The following PDE11A variants were observed in gnomAD, a reference collection of about 807,000 sequenced individuals.
The protein encoded by PDE11A is phosphodiesterase 11A.
A neutral mutation model predicts 100.5 loss-of-function variants in PDE11A; 100 were observed. The ratio of observed to expected loss-of-function variants is 1.00; its 90% CI spans 0.85 to 1.18. The LOEUF (loss-of-function observed/expected upper bound fraction) is 1.18, where lower values mean the gene tolerates loss of function less well. Ranked by LOEUF, PDE11A falls within the 50% of genes most tolerant of loss-of-function variation. The pLI is 0.00. For missense variants in PDE11A, 1,141 were observed against 1,152.6 expected (o/e 0.99, Z 0.15); for synonymous variants, 381 against 420.8 (o/e 0.91, Z 1.16).
chr2:177,946,669 C>T (rs1574299901), intron 2 of PDE11A, among the ~76,000 whole-genome samples: 4 of 103,918 alleles, frequency 3.8e-5, no homozygotes, highest in Non-Finnish European at 8.8e-5. Context: ...CCAGCCGCCC[C>T]GTCCGGGAGG....
chr2:177,845,105 G>A (rs1158854363), intron 5 of PDE11A, among the ~76,000 whole-genome samples: 2 of 152,068 alleles, frequency 1.3e-5, no homozygotes, highest in African/African-American at 4.8e-5. Flanking sequence ...TCACTTCCCA[G>A]TAGGGGCAGC....
At chr2:178,077,585 C>A (rs571877372), upstream of PDE11A, among the ~76,000 whole-genome samples, 11 of 152,112 alleles carry the variant, frequency 7.2e-5, no homozygotes, top group Non-Finnish European at 1.3e-4. Flanking sequence ...GTAAAAATGG[C>A]ACATTAAGGC....
intron 2 of PDE11A, among the ~76,000 whole-genome samples, chr2:178,087,612 G>A (rs2087375568): frequency 6.6e-6 from 1 of 152,128 alleles, no homozygotes; most frequent in East Asian, 1.9e-4. Context: ...GATGATGAGA[G>A]ATTACTTAAT....
intron 2 of PDE11A, among the ~76,000 whole-genome samples, chr2:178,087,310 G>A (rs533047243): frequency 1.5e-4 from 22 of 149,566 alleles, no homozygotes; most frequent in South Asian, 1.3e-3. Flanking sequence ...CCAAGATCGC[G>A]CCATTACACT....
chr2:178,056,169 T>A (rs1400014927), intron 1 of PDE11A, among the ~76,000 whole-genome samples: 1 of 152,124 alleles, frequency 6.6e-6, no homozygotes, highest in African/African-American at 2.4e-5. Context: ...GTTAACATAT[T>A]GAGGGAGAAG....
At chr2:177,949,938 CTT>C (rs1228812328) in intron 2 of PDE11A, among the ~76,000 whole-genome samples, 1 of 152,158 alleles carries the variant, frequency 6.6e-6, no homozygotes, top group African/African-American at 2.4e-5. Flanking sequence ...TTATATTCCT[CTT>C]TTCATATTAA....
chr2:177,670,525 TA>T (rs1181996210), intron 17 of PDE11A, among the ~76,000 whole-genome samples: 2 of 152,140 alleles, frequency 1.3e-5, no homozygotes, highest in Non-Finnish European at 2.9e-5. Flanking sequence ...TAGCTGGATT[TA>T]AAAAAATATT....
chr2:178,089,930 T>A (rs1212548155), intron 2 of PDE11A, among the ~76,000 whole-genome samples: 1 of 152,178 alleles, frequency 6.6e-6, no homozygotes, highest in Non-Finnish European at 1.5e-5. Context: ...GGCCCAAGAC[T>A]TAGAGAAGCT....
chr2:177,901,253 C>A (rs905697936), intron 3 of PDE11A, among the ~76,000 whole-genome samples: 3 of 152,026 alleles, frequency 2.0e-5, no homozygotes, highest in Admixed American at 2.0e-4. Flanking sequence ...TGTGACCCCC[C>A]CCATCCATGA....
intron 5 of PDE11A, among the ~76,000 whole-genome samples, chr2:177,873,175 T>C (rs1170677297): frequency 6.6e-6 from 1 of 152,112 alleles, no homozygotes; most frequent in Non-Finnish European, 1.5e-5. Context: ...GAAGTGACCA[T>C]GAGAACATGT....
chr2:178,047,833 T>C (rs897280051), intron 1 of PDE11A, among the ~76,000 whole-genome samples: 6 of 152,190 alleles, frequency 3.9e-5, no homozygotes, highest in African/African-American at 1.4e-4. Flanking sequence ...CCATGTTATA[T>C]ATGGAGATTC....
rs79852868 is a variant in PDE11A at position 177,721,620 on chromosome 2, A to T, written c.2043+6038T>A. 2.3e-3 allele frequency among the ~76,000 whole-genome samples: 347 copies of T among 152,280 alleles called. 1 individual carries two copies. Among genetic ancestry groups the T allele is most frequent in the African/African-American group, 8.0e-3 (331 of 41,578 alleles). On this transcript the variant is annotated intron_variant, in intron 12 of 19. Coordinates refer to ENST00000286063, the MANE Select transcript of PDE11A (RefSeq NM_016953.4). ...TCAACCCTAACAATATTTGTGCTTT[A>T]TGATTTTTTTTGAGGACAAGGACGG...
chr2:177,992,569 G>A (rs180752585), intron 2 of PDE11A, among the ~76,000 whole-genome samples: 2 of 152,230 alleles, frequency 1.3e-5, no homozygotes, highest in Admixed American at 6.5e-5. Context: ...AGTACATTCT[G>A]TATAAACTTT....
intron 19 of PDE11A, among the ~76,000 whole-genome samples, chr2:177,638,711 A>G (rs1390994155): frequency 6.6e-6 from 1 of 152,044 alleles, no homozygotes; most frequent in Admixed American, 6.6e-5. Flanking sequence ...AGCTGGGTCC[A>G]AAGCAGCCTT....
chr2:177,858,859 A>G (rs2083891173), intron 5 of PDE11A, among the ~76,000 whole-genome samples: 1 of 152,164 alleles, frequency 6.6e-6, no homozygotes, highest in Admixed American at 6.5e-5. Context: ...ATGTCCATCA[A>G]TGATAGACTG....
chr2:177,700,956 G>A, intron 14 of PDE11A, 165 bp downstream of exon 14: 1 of 685,262 alleles, frequency 1.5e-6, no homozygotes, highest in Non-Finnish European at 2.7e-6. Context: ...GTCCTGCTCA[G>A]GCATCTATAG....
chr2:177,825,306 T>G (rs2083211263), intron 6 of PDE11A, among the ~76,000 whole-genome samples: 1 of 152,096 alleles, frequency 6.6e-6, no homozygotes, highest in South Asian at 2.1e-4. Context: ...GCAGAGGGTG[T>G]CTTTAAAGTG....
At chr2:177,739,453 C>G (rs986720004) in intron 10 of PDE11A, among the ~76,000 whole-genome samples, 2 of 152,136 alleles carry the variant, frequency 1.3e-5, no homozygotes, top group African/African-American at 4.8e-5. Context: ...TGTCCTGTAC[C>G]CCAAGCTCCC....
chr2:177,795,324 G>A (rs1047567159), intron 9 of PDE11A, among the ~76,000 whole-genome samples: 7 of 152,124 alleles, frequency 4.6e-5, no homozygotes, highest in African/African-American at 1.2e-4. Flanking sequence ...TGACAGGAAC[G>A]GGAAGGGGCT....
Sources: allele counts gnomAD v4.1 joint callset (sites outside exome capture counted in the v4.1 genomes callset), GRCh38; gene constraint gnomAD v4.1.1; transcripts MANE v1.5; gene names NCBI Gene and HGNC (gene_info 2026-07-23, HGNC 2026-07-21).